The following HEATR3 variants were observed in gnomAD, a reference collection of about 807,000 sequenced individuals.
HEATR3 encodes HEAT repeat containing 3, also known as HEAT repeat-containing protein 3.
Under a neutral mutation model 72.8 loss-of-function variants are expected in HEATR3, and 56 were observed. That is an observed-to-expected ratio of 0.77 (90% confidence interval 0.62 to 0.96). The LOEUF (loss-of-function observed/expected upper bound fraction) is 0.96. Among genes scored for constraint, HEATR3 ranks in the 40% least tolerant of loss-of-function variants. The pLI, the probability that HEATR3 is intolerant of heterozygous loss-of-function variation, is 0.00. For missense variants in HEATR3, 747 were observed against 831.4 expected (o/e 0.90, Z 1.25); for synonymous variants, 331 against 318.1 (o/e 1.04, Z -0.43).
chr16:50,083,828 T>C, intron 7 of HEATR3, 109 bp from the exon 8 acceptor site: 1 of 886,114 alleles, frequency 1.1e-6, no homozygotes, highest in African/African-American at 1.7e-5. Flanking sequence ...CCCCGTGTGC[T>C]CTATTCCAAG....
intron 13 of HEATR3, chr16:50,100,615 T>TA: frequency 4.4e-6 from 2 of 455,164 alleles, no homozygotes; most frequent in Non-Finnish European, 3.9e-6. Context: ...GGTACTTTTT[T>TA]AAAAAAATAA....
At chr16:50,103,894 G>A (rs549948872) in intron 14 of HEATR3, among the ~76,000 whole-genome samples, 2 of 152,086 alleles carry the variant, frequency 1.3e-5, no homozygotes, top group East Asian at 3.9e-4. Flanking sequence ...CCATTAAGTG[G>A]TGGCTCATGC....
At chr16:50,096,247 C>T (rs2037232400) in intron 12 of HEATR3, among the ~76,000 whole-genome samples, 1 of 140,546 alleles carries the variant, frequency 7.1e-6, no homozygotes, top group Non-Finnish European at 1.5e-5. Flanking sequence ...ATCACTTGAA[C>T]CTGGGAGGCG....
Position 50,105,153 on chromosome 16 carries a change from C to T in HEATR3, c.*92C>T. ...TTTGAATGTATATGTTTCTGAAAGT[C>T]ATTTTTTAATGATTACATTCTGTAC... On this transcript the variant is annotated 3_prime_UTR_variant, in exon 15 of 15. Coordinates refer to ENST00000299192, the MANE Select transcript of HEATR3 (RefSeq NM_182922.4). The T allele has an allele frequency of 7.3e-7, 1 of 1,365,656 alleles. No homozygotes were observed. The highest frequency in any genetic ancestry group is 1.0e-6 in the Non-Finnish European group (1 of 985,242). 84.6% of individuals were successfully genotyped at this position (1,365,656 alleles called of 1,614,324 possible). A position where few individuals can be genotyped will look rare whatever the true frequency, so the allele number is the denominator to read the frequency against.
chr16:50,077,325 T>TA (rs1229727924), intron 6 of HEATR3, among the ~76,000 whole-genome samples: 1 of 52,888 alleles, frequency 1.9e-5, no homozygotes, highest in East Asian at 4.5e-4. Flanking sequence ...TAATTTTTTG[T>TA]ATTTTTTTTT....
At chr16:50,081,613 C>T (rs1490348637) in intron 7 of HEATR3, among the ~76,000 whole-genome samples, 1 of 152,202 alleles carries the variant, frequency 6.6e-6, no homozygotes, top group Non-Finnish European at 1.5e-5. Flanking sequence ...GTCAGCCAGC[C>T]AGTGTTTAAG....
rs578007641 is a variant in HEATR3 at position 50,078,346 on chromosome 16, G to A, written c.764-395G>A. Among the ~76,000 whole-genome samples the A allele has an allele frequency of 1.6e-4, 24 of 152,182 alleles. No homozygotes were observed. The South Asian group carries it at 4.8e-3, about 30-fold the overall frequency. On this transcript the variant is annotated intron_variant, in intron 6 of 14. Transcript: ENST00000299192. ...TAAGAACCTACTCTCATGTTTATAT[G>A]TCAGACCAACCTTGGAATTTTAGTG...
At chr16:50,073,970 T>C (rs1362056417) in intron 5 of HEATR3, 1 of 152,206 alleles carries the variant, frequency 6.6e-6, no homozygotes, top group Admixed American at 6.5e-5. Context: ...TTCATATAAC[T>C]TTTTTTGAAC....
At chr16:50,076,865 A>AT (rs756365677) in intron 6 of HEATR3, among the ~76,000 whole-genome samples, 32,647 of 106,380 alleles carry the variant, frequency 0.31, 6,083 homozygotes, top group African/African-American at 0.4. Flanking sequence ...ACACCTGGCT[A>AT]TTTTTTTTTT....
intron 4 of HEATR3, among the ~76,000 whole-genome samples, chr16:50,071,990 T>G (rs1401030202): frequency 1.3e-5 from 2 of 152,212 alleles, no homozygotes; most frequent in African/African-American, 4.8e-5. Flanking sequence ...AAATTCTGCT[T>G]GATGAAATTA....
rs758746432 is a variant in HEATR3, at chr16:50,102,336, C to T, written c.1821C>T (p.Leu607=). 37 of 1,613,922 alleles carry T rather than the reference C, an allele frequency of 2.3e-5. No homozygotes were observed. Among genetic ancestry groups the T allele is most frequent in the Non-Finnish European group, 3.0e-5 (35 of 1,179,984 alleles). Reference sequence around the variant, plus strand: ...TAGCAGGAGAAGCTTTGGATGCCCTCTTTGATGTTTTTGCAGATGGTAAAG... The same window carrying T: ...TAGCAGGAGAAGCTTTGGATGCCCTTTTTGATGTTTTTGCAGATGGTAAAG... The part of the protein sequence containing the change: ...LVVAGEALDA[L]FDVFADGKEA... The change falls in exon 14 of 15, where the codon CTC becomes CTT. Residue 607 remains leucine (L), a synonymous_variant. Transcript: ENST00000299192.
rs1229342482 is a variant in HEATR3 at position 50,105,035 on chromosome 16, A to G, written c.2017A>G (p.Thr673Ala). The change falls in exon 15 of 15, where the codon ACT (threonine) becomes GCT (alanine). Residue 673 changes from threonine to alanine, a missense_variant. Physicochemically the swap from Thr to Ala is moderately conservative, Grantham distance 58. This residue lies in a region of HEATR3 where 586 missense variants were observed against 708.8 expected (regional missense o/e 0.83). Transcript: ENST00000299192. ...NLRRFIAYQE[T>A]VEKRLTS ...GCGAAGATTTATTGCTTATCAAGAA[A>G]CTGTTGAGAAAAGACTGACTTCTTA... 1.9e-6 allele frequency: 3 copies of G among 1,612,608 alleles called. No individual in the cohort carries two copies. The highest frequency in any genetic ancestry group is 1.1e-5 in the South Asian group (1 of 90,432).
chr16:50,070,890 CT>C (rs1311850733), intron 4 of HEATR3, among the ~76,000 whole-genome samples: 1 of 152,196 alleles, frequency 6.6e-6, no homozygotes, highest in East Asian at 1.9e-4. Context: ...CCCCCGACTT[CT>C]TGTACACCCT....
chr16:50,100,261 G>C lies in HEATR3; in HGVS notation c.1631G>C (p.Cys544Ser). ...ACTCCTGATCAGCTGATGACATTATGCAAAGCAGGCATTCATAGTAGTAAT... is the reference window on the plus strand; with the variant it reads ...ACTCCTGATCAGCTGATGACATTATCCAAAGCAGGCATTCATAGTAGTAAT... The part of the protein sequence containing the change: ...CMTPDQLMTL[C>S]KAGIHSSNVG... The change falls in exon 13 of 15, where the codon TGC becomes TCC. Residue 544 changes from cysteine to serine, a missense_variant. Physicochemically the swap from Cys to Ser is moderately radical, Grantham distance 112 (BLOSUM62 -1). Coordinates refer to ENST00000299192, the MANE Select transcript of HEATR3 (RefSeq NM_182922.4). The C allele has an allele frequency of 1.2e-6, 2 of 1,613,916 alleles. No individual in the cohort carries two copies. Among genetic ancestry groups the C allele is most frequent in the Non-Finnish European group, 8.5e-7 (1 of 1,179,928 alleles).
intron 11 of HEATR3, among the ~76,000 whole-genome samples, chr16:50,090,710 C>G (rs1057271848): frequency 6.6e-6 from 1 of 152,166 alleles, no homozygotes; most frequent in Non-Finnish European, 1.5e-5. Flanking sequence ...TCATTCGGCT[C>G]TATTACATGA....
chr16:50,082,544 C>T (rs768441617), intron 7 of HEATR3, among the ~76,000 whole-genome samples: 3 of 149,978 alleles, frequency 2.0e-5, no homozygotes, highest in Non-Finnish European at 4.4e-5. Flanking sequence ...TTTAGGGATC[C>T]CTGAGCTACG....
Position 50,102,443 on chromosome 16 carries a change from G to T in HEATR3, c.1920+8G>T, listed in dbSNP as rs767878533. 6.2e-7 allele frequency: 1 copy of T among 1,612,346 alleles called. No homozygotes were observed. Among genetic ancestry groups the T allele is most frequent in the Non-Finnish European group, 8.5e-7 (1 of 1,179,242 alleles). On this transcript the variant is annotated splice_region_variant and intron_variant, in intron 14 of 14. Coordinates refer to ENST00000299192, the MANE Select transcript of HEATR3 (RefSeq NM_182922.4). ...CCGGTCTTTAAAATGAAGGTTTGTA[G>T]CCATTTAACTTATAAATACATAAGT...
rs764919319 is a variant in HEATR3, at chr16:50,094,770, A to G, written c.1576A>G (p.Met526Val). Residue 526 changes from methionine (M) to valine (V), a missense_variant, in exon 12 of 15, where the codon ATG (methionine) becomes GTG (valine). Transcript: ENST00000299192. ...SSALRALLQT[M>V]ASKNISQCMT... ...TGCTTTGAGGGCCCTTTTGCAAACA[A>G]TGGCCTCCAAGAACATTTCCCAGGT... 1.3e-4 allele frequency: 207 copies of G among 1,598,088 alleles called. No individual in the cohort carries two copies. The highest frequency in any genetic ancestry group is 5.7e-4 in the Admixed American group (33 of 57,566).
At chr16:50,091,172 G>C (rs1309784904) in intron 11 of HEATR3, among the ~76,000 whole-genome samples, 1 of 146,472 alleles carries the variant, frequency 6.8e-6, no homozygotes, top group Non-Finnish European at 1.5e-5. Context: ...TTAAAAATAA[G>C]AAAAAAAATT....
Sources: gnomAD v4.1 joint callset for allele counts (sites outside exome capture counted in the v4.1 genomes callset) on GRCh38, gnomAD v4.1.1 for gene constraint, gnomAD v4.1.1 regional missense constraint, MANE v1.5 for transcripts, NCBI Gene and HGNC (gene_info 2026-07-23, HGNC 2026-07-21) for gene names.